The following DIAPH3 variants were observed in gnomAD, a reference collection of about 807,000 sequenced individuals.
DIAPH3 encodes diaphanous related formin 3.
DIAPH3 carries 117 observed loss-of-function variants against 144.3 expected under a neutral mutation model. The ratio of observed to expected loss-of-function variants is 0.81; its 90% CI spans 0.70 to 0.95. The LOEUF is 0.95. DIAPH3 is among the 40% of genes least tolerant of loss of function. DIAPH3 has a pLI of 0.00. For synonymous variants in DIAPH3, 519 were observed against 488.9 expected (o/e 1.06, Z -0.81); for missense variants, 1,421 against 1,412.7 (o/e 1.01, Z -0.09).
At chr13:60,063,738 C>T (rs994886695) in intron 4 of DIAPH3, among the ~76,000 whole-genome samples, 12 of 152,008 alleles carry the variant, frequency 7.9e-5, no homozygotes, top group Admixed American at 7.9e-4. Context: ...ACCAGCCTGG[C>T]CAACAAGGTG....
At chr13:60,022,654 C>T (rs1344009294) in intron 5 of DIAPH3, among the ~76,000 whole-genome samples, 12 of 152,244 alleles carry the variant, frequency 7.9e-5, no homozygotes. Context: ...CTTTTAAGGA[C>T]ACAAGTCATA....
At chr13:59,917,588 T>C (rs2047282701) in intron 18 of DIAPH3, among the ~76,000 whole-genome samples, 1 of 151,830 alleles carries the variant, frequency 6.6e-6, no homozygotes, top group African/African-American at 2.4e-5. Flanking sequence ...ATGTAAATGG[T>C]ATAAGAGTAA....
At chr13:60,044,871 G>T (rs1240852920) in intron 4 of DIAPH3, among the ~76,000 whole-genome samples, 1 of 152,146 alleles carries the variant, frequency 6.6e-6, no homozygotes. Flanking sequence ...ATGATAGTCA[G>T]TGAGTTCTCA....
At chr13:59,847,996 CTT>C (rs2139829876) in intron 22 of DIAPH3, among the ~76,000 whole-genome samples, 1 of 152,234 alleles carries the variant, frequency 6.6e-6, no homozygotes, top group South Asian at 2.1e-4. Context: ...TTTTATAACT[CTT>C]TTCTCTTTCA....
intron 20 of DIAPH3, among the ~76,000 whole-genome samples, chr13:59,895,540 A>G (rs1174607346): frequency 1.3e-5 from 2 of 152,182 alleles, no homozygotes; most frequent in Non-Finnish European, 2.9e-5. Context: ...AAATAAAAAT[A>G]TAAGAAAAGC....
intron 21 of DIAPH3, among the ~76,000 whole-genome samples, chr13:59,863,258 T>G (rs569840195): frequency 1.3e-5 from 2 of 151,692 alleles, no homozygotes; most frequent in Non-Finnish European, 2.9e-5. Flanking sequence ...AGTAATCATT[T>G]AGAGCAGAGA....
intron 27 of DIAPH3, among the ~76,000 whole-genome samples, chr13:59,758,407 C>A (rs2037396970): frequency 1.3e-5 from 2 of 152,154 alleles, no homozygotes; most frequent in Non-Finnish European, 2.9e-5. Context: ...AACATGGATA[C>A]AAAGTGTACA....
intron 2 of DIAPH3, among the ~76,000 whole-genome samples, chr13:60,112,861 A>G (rs924832400): frequency 5.3e-5 from 8 of 152,338 alleles, no homozygotes; most frequent in Non-Finnish European, 1.0e-4. Context: ...AAGCATAGAT[A>G]TTAGTTTACA....
chr13:59,722,972 C>T (rs2035416812), intron 27 of DIAPH3, among the ~76,000 whole-genome samples: 1 of 152,164 alleles, frequency 6.6e-6, no homozygotes, highest in Non-Finnish European at 1.5e-5. Context: ...AGAACCCTGA[C>T]CTATACAGCA....
intron 21 of DIAPH3, among the ~76,000 whole-genome samples, chr13:59,871,029 T>C (rs912231986): frequency 6.6e-6 from 1 of 152,028 alleles, no homozygotes; most frequent in African/African-American, 2.4e-5. Context: ...CTATGTATGG[T>C]TTTTGTTACT....
At chr13:59,814,307 A>G (rs1354007757) in intron 24 of DIAPH3, among the ~76,000 whole-genome samples, 1 of 152,204 alleles carries the variant, frequency 6.6e-6, no homozygotes, top group East Asian at 1.9e-4. Flanking sequence ...ATTTAGAAAT[A>G]AGGTCTAAAG....
At chr13:59,966,340 A>C (rs2050050503) in intron 17 of DIAPH3, among the ~76,000 whole-genome samples, 1 of 152,152 alleles carries the variant, frequency 6.6e-6, no homozygotes, top group Non-Finnish European at 1.5e-5. Flanking sequence ...TACCAAGAAT[A>C]TCTTGGTAAT....
In DIAPH3 at chr13:59,959,456, T is replaced by C. The variant is rs118148382; in HGVS notation, c.2074+10488A>G. 3.1e-4 allele frequency among the ~76,000 whole-genome samples: 47 copies of C among 152,292 alleles called. No individual in the cohort carries two copies. The East Asian group carries it at 8.9e-3, about 29-fold the overall frequency. Reference sequence around the variant, plus strand: ...CACATGTGATCAAGGTTAAGGATTCTGAGATGGGGAAGAGCAGAATGGATT... The same window carrying C: ...CACATGTGATCAAGGTTAAGGATTCCGAGATGGGGAAGAGCAGAATGGATT... On this transcript the variant is annotated intron_variant, in intron 17 of 27. Transcript: ENST00000400324.
At chr13:59,953,303 G>T (rs1320566864) in intron 17 of DIAPH3, among the ~76,000 whole-genome samples, 4 of 152,076 alleles carry the variant, frequency 2.6e-5, no homozygotes, top group African/African-American at 9.7e-5. Context: ...TTGAAAGAGA[G>T]GTAATAGGAA....
At chr13:59,952,779 G>T (rs959117529) in intron 17 of DIAPH3, among the ~76,000 whole-genome samples, 1 of 151,998 alleles carries the variant, frequency 6.6e-6, no homozygotes, top group Non-Finnish European at 1.5e-5. Flanking sequence ...TGCTTAAAAT[G>T]AAAAAAGACA....
At chr13:59,973,929 A>G (rs755004368) in intron 15 of DIAPH3, among the ~76,000 whole-genome samples, 7 of 152,132 alleles carry the variant, frequency 4.6e-5, no homozygotes, top group Non-Finnish European at 1.0e-4. Flanking sequence ...TTGAAAAATT[A>G]TCAGAAAATG....
chr13:60,064,341 T>C (rs1443098298), intron 4 of DIAPH3, among the ~76,000 whole-genome samples: 3 of 152,242 alleles, frequency 2.0e-5, no homozygotes, highest in African/African-American at 4.8e-5. Flanking sequence ...TTTTCATCTA[T>C]ATTGAAAATC....
chr13:59,944,961 T>C (rs1306475310), intron 17 of DIAPH3, among the ~76,000 whole-genome samples: 1 of 152,048 alleles, frequency 6.6e-6, no homozygotes. Context: ...AGCAACACCA[T>C]CATCAACATC....
chr13:59,685,449 T>TGTGGACACATTAG (rs2033164931), intron 27 of DIAPH3, among the ~76,000 whole-genome samples: 2 of 152,242 alleles, frequency 1.3e-5, no homozygotes, highest in South Asian at 4.1e-4. Flanking sequence ...AATATAGGTC[T>TGTGGACACATTAG]CAAAGAAGCA....
Sources: gnomAD v4.1 joint callset for allele counts (sites outside exome capture counted in the v4.1 genomes callset) on GRCh38, gnomAD v4.1.1 for gene constraint, MANE v1.5 for transcripts, NCBI Gene and HGNC (gene_info 2026-07-23, HGNC 2026-07-21) for gene names.